Variants in SRSF11 observed in about 807,000 individuals in gnomAD.
The protein encoded by SRSF11 is serine and arginine rich splicing factor 11, also known as serine/arginine-rich splicing factor 11.
In SRSF11, 9 loss-of-function variants were observed where a neutral mutation model predicts 56.0. That is an observed-to-expected ratio of 0.16 (90% CI 0.10 to 0.28). The LOEUF is 0.28. Ranked by LOEUF, SRSF11 falls within the 10% of genes least tolerant of loss-of-function variation. SRSF11 has a pLI of 1.00. For synonymous variants in SRSF11, 222 were observed against 215.3 expected (o/e 1.03, Z -0.27); for missense variants, 421 against 600.7 (o/e 0.70, Z 3.13).
intron 6 of SRSF11, among the ~76,000 whole-genome samples, chr1:70,238,507 T>C (rs1674613888): frequency 6.6e-6 from 1 of 152,240 alleles, no homozygotes; most frequent in Admixed American, 6.5e-5. Flanking sequence ...ATACAATGAC[T>C]TTATTTCTCT....
At chr1:70,233,356 C>T (rs1005553233) in intron 3 of SRSF11, among the ~76,000 whole-genome samples, 12 of 151,982 alleles carry the variant, frequency 7.9e-5, no homozygotes, top group African/African-American at 2.9e-4. Flanking sequence ...GCGATTCTGC[C>T]CCAGCCTCCC....
chr1:70,243,630 G>T (rs1571904441), intron 7 of SRSF11, among the ~76,000 whole-genome samples: 1 of 152,284 alleles, frequency 6.6e-6, no homozygotes, highest in African/African-American at 2.4e-5. Flanking sequence ...CTTGTACCTT[G>T]AAAAGAAAAG....
At position 70,221,825 on chromosome 1, in the gene SRSF11, C is replaced by A; in HGVS notation, c.189C>A (p.Arg63=). The stretch of plus-strand genomic sequence containing the variant: ...TCCTAGGCAAGATCGACGAACTGCG[C>A]CTCTTCCCGCCGGAGTGAGTATCGT... ...FGFLGKIDEL[R]LFPPDDSPLP... Residue 63 remains arginine (R), a synonymous_variant, in exon 1 of 12, where the codon CGC becomes CGA. Transcript: ENST00000370949. 1 of 1,613,876 alleles carries A rather than the reference C, an allele frequency of 6.2e-7. No homozygotes were observed. Among genetic ancestry groups the A allele is most frequent in the Non-Finnish European group, 8.5e-7 (1 of 1,179,974 alleles).
At chr1:70,249,914 T>C in intron 9 of SRSF11, 38 bp from the exon 10 acceptor site, 2 of 1,593,082 alleles carry the variant, frequency 1.3e-6, no homozygotes, top group Non-Finnish European at 1.7e-6. Flanking sequence ...AAGATCACAC[T>C]GTATTTTAAA....
upstream of SRSF11, among the ~76,000 whole-genome samples, chr1:70,219,593 A>G (rs116741539): frequency 3.6e-3 from 548 of 152,352 alleles, 6 homozygotes; most frequent in African/African-American, 0.013. Context: ...ACCATTTTAC[A>G]TAGGGGATTT....
chr1:70,249,836 A>T, intron 9 of SRSF11, 116 bp from the exon 10 acceptor site: 3 of 1,080,098 alleles, frequency 2.8e-6, no homozygotes, highest in African/African-American at 1.6e-5. Flanking sequence ...CTGGGATTAT[A>T]GGCATGAGCC....
chr1:70,236,332 CTTT>C (rs554617176), intron 5 of SRSF11, among the ~76,000 whole-genome samples: 8 of 133,858 alleles, frequency 6.0e-5, no homozygotes, highest in African/African-American at 1.7e-4. Flanking sequence ...CTTTCTTTTT[CTTT>C]TTTTTTTTTT....
At chr1:70,243,962 G>A (rs1372426254) in intron 7 of SRSF11, among the ~76,000 whole-genome samples, 1 of 152,076 alleles carries the variant, frequency 6.6e-6, no homozygotes, top group East Asian at 1.9e-4. Flanking sequence ...TCTTAGTCCT[G>A]GAAGAGCCAG....
intron 7 of SRSF11, among the ~76,000 whole-genome samples, chr1:70,243,336 C>CAAAAAAAAAA (rs56098296): frequency 6.1e-5 from 2 of 32,560 alleles, no homozygotes; most frequent in Admixed American, 3.5e-4. Context: ...TGGTTGGTGG[C>CAAAAAAAAAA]AAAAAAAAAA....
At chr1:70,223,763 T>G (rs1009556164) in intron 1 of SRSF11, among the ~76,000 whole-genome samples, 4 of 152,252 alleles carry the variant, frequency 2.6e-5, no homozygotes. Context: ...ACTATAAGTT[T>G]CAATACACTA....
intron 7 of SRSF11, among the ~76,000 whole-genome samples, chr1:70,240,922 G>A (rs1350036128): frequency 1.3e-5 from 2 of 152,118 alleles, no homozygotes; most frequent in Non-Finnish European, 2.9e-5. Flanking sequence ...ACAGGTGTGT[G>A]CCACCATGCC....
At chr1:70,243,623 GT>G in intron 7 of SRSF11, among the ~76,000 whole-genome samples, 1 of 152,224 alleles carries the variant, frequency 6.6e-6, no homozygotes, top group African/African-American at 2.4e-5. Flanking sequence ...ACTCTTTCTT[GT>G]ACCTTGAAAA....
chr1:70,221,942 T>A, intron 1 of SRSF11, 103 bp downstream of exon 1: 1 of 1,502,940 alleles, frequency 6.7e-7, no homozygotes. Context: ...CGGGCCAGGC[T>A]GCTTGAGTGG....
chr1:70,239,171 A>G (rs1194706422), intron 6 of SRSF11, among the ~76,000 whole-genome samples: 1 of 152,102 alleles, frequency 6.6e-6, no homozygotes, highest in African/African-American at 2.4e-5. Flanking sequence ...AGCTCACTGC[A>G]CCGTCCATCT....
chr1:70,232,864 A>G (rs916012877), intron 3 of SRSF11, among the ~76,000 whole-genome samples: 7 of 152,224 alleles, frequency 4.6e-5, no homozygotes, highest in Admixed American at 1.3e-4. Context: ...ATTGGTTGCA[A>G]TAGTGTTTCT....
At chr1:70,237,161 G>T (rs1279142659) in intron 5 of SRSF11, among the ~76,000 whole-genome samples, 1 of 152,026 alleles carries the variant, frequency 6.6e-6, no homozygotes, top group African/African-American at 2.4e-5. Flanking sequence ...CTAAAAATGT[G>T]TTTGTTTATG....
intron 5 of SRSF11, 149 bp downstream of exon 5, chr1:70,235,699 T>G: frequency 1.4e-6 from 1 of 739,634 alleles, no homozygotes; most frequent in African/African-American, 1.8e-5. Context: ...AGGAGAGAAA[T>G]ACAGAAGTAA....
Position 70,240,533 on chromosome 1 carries a change from AG to A in SRSF11, c.800+1014del, listed in dbSNP as rs1228160488. Among the ~76,000 whole-genome samples, 4 of 152,324 alleles carry A rather than the reference AG, an allele frequency of 2.6e-5. No individual in the cohort carries two copies. In the East Asian group the frequency reaches 7.7e-4, roughly 29 times the overall value. ...TATGGACCCCATAAAAGGGTCTTAG[AG>A]CATCCACAGTTGTGCAAACGACAAT... On this transcript the variant is annotated intron_variant, in intron 7 of 11. Transcript: ENST00000370949.
At chr1:70,230,996 A>G (rs1672758142) in intron 2 of SRSF11, 4 of 1,278,572 alleles carry the variant, frequency 3.1e-6, no homozygotes, top group Non-Finnish European at 3.0e-6. Flanking sequence ...GCTGTGTAGT[A>G]TACATTTGTT....
Sources: allele counts gnomAD v4.1 joint callset (sites outside exome capture counted in the v4.1 genomes callset), GRCh38; gene constraint gnomAD v4.1.1; transcripts MANE v1.5; gene names NCBI Gene and HGNC (gene_info 2026-07-23, HGNC 2026-07-21).